The following PACRG variants were observed in gnomAD, a reference collection of about 807,000 sequenced individuals.
The protein encoded by PACRG is parkin coregulated, also known as parkin coregulated gene protein.
A neutral mutation model predicts 29.7 loss-of-function variants in PACRG; 29 were observed. The observed-to-expected ratio is 0.98, with a 90% confidence interval of 0.73 to 1.33. The LOEUF (loss-of-function observed/expected upper bound fraction) is 1.33. PACRG is among the 40% of genes most tolerant of loss of function. The pLI is 0.00. For synonymous variants in PACRG, 116 were observed against 118.7 expected (o/e 0.98, Z 0.15); for missense variants, 279 against 316.2 (o/e 0.88, Z 0.89).
Position 162,814,157 on chromosome 6 carries a change from C to T in PACRG, c.167C>T (p.Pro56Leu), listed in dbSNP as rs1213220950. 4 of 1,611,456 alleles carry T rather than the reference C, an allele frequency of 2.5e-6. No homozygotes were observed. Among genetic ancestry groups the T allele is most frequent in the African/African-American group, 2.7e-5 (2 of 74,720 alleles). Residue 56 changes from proline (P) to leucine (L), a missense_variant, in exon 2 of 5, where the codon CCT becomes CTT. Transcript: ENST00000366888. ...AMMKNSVVRGPPAAGAFKERP... is the reference protein window; with the variant it reads ...AMMKNSVVRGLPAAGAFKERP... ...TTTTTTCCAATTAAGGTGAGAGGCC[C>T]TCCAGCTGCAGGGGCATTTAAAGAA...
chr6:162,830,674 A>T (rs998943202), intron 2 of PACRG, among the ~76,000 whole-genome samples: 1 of 152,248 alleles, frequency 6.6e-6, no homozygotes, highest in African/African-American at 2.4e-5. Context: ...GGATTAAAGG[A>T]TGGTGATCTA....
chr6:162,820,480 G>T (rs1299640007), intron 2 of PACRG, among the ~76,000 whole-genome samples: 2 of 152,044 alleles, frequency 1.3e-5, no homozygotes, highest in African/African-American at 2.4e-5. Context: ...GCCCAACTGA[G>T]GATAGCTCAT....
At chr6:163,038,461 C>G (rs1421549877) in intron 2 of PACRG, among the ~76,000 whole-genome samples, 2 of 152,092 alleles carry the variant, frequency 1.3e-5, no homozygotes, top group African/African-American at 4.8e-5. Context: ...CAGTGAAGGG[C>G]CTTTGGTAGA....
chr6:163,190,101 T>C (rs1292785115), intron 4 of PACRG: 1 of 152,218 alleles, frequency 6.6e-6, no homozygotes, highest in Non-Finnish European at 1.5e-5. Context: ...ACATTGGTTT[T>C]CTCTTCCAAA....
intron 4 of PACRG, chr6:163,100,902 G>A: frequency 2.0e-6 from 2 of 984,632 alleles, no homozygotes; most frequent in South Asian, 9.4e-5. Context: ...ATATTCTCAT[G>A]TACATCTTGA....
At chr6:162,965,514 G>T (rs1373019953) in intron 2 of PACRG, among the ~76,000 whole-genome samples, 1 of 152,112 alleles carries the variant, frequency 6.6e-6, no homozygotes, top group Non-Finnish European at 1.5e-5. Context: ...TCTGTTTTGG[G>T]CCTCTTTTGT....
rs570137626 is a variant in PACRG, at chr6:163,296,235, G to A, written c.614-18592G>A. Among the ~76,000 whole-genome samples, 15 of 152,226 alleles carry A rather than the reference G, an allele frequency of 9.9e-5. 1 individual carries two copies. The South Asian group carries it at 2.9e-3, about 29-fold the overall frequency. ...GAGTCCATTGTGTTCCTTCAAGCAG[G>A]AAACAATCATAACAGGACTTAAAGG... On this transcript the variant is annotated intron_variant, in intron 4 of 4. Transcript: ENST00000366888.
At chr6:162,937,897 AT>A (rs59171580) in intron 2 of PACRG, among the ~76,000 whole-genome samples, 415 of 149,244 alleles carry the variant, frequency 2.8e-3, no homozygotes, top group African/African-American at 7.3e-3. Context: ...TCATTTTTTA[AT>A]TTTTTTTTTT....
chr6:163,093,245 T>C (rs114951088), intron 4 of PACRG, among the ~76,000 whole-genome samples: 3,139 of 152,340 alleles, frequency 0.021, 107 homozygotes, highest in African/African-American at 0.062. Flanking sequence ...AACTGCTGTC[T>C]AAGCTTTTGA....
At chr6:163,254,922 C>CT (rs1783049300) in intron 4 of PACRG, among the ~76,000 whole-genome samples, 1 of 152,242 alleles carries the variant, frequency 6.6e-6, no homozygotes, top group South Asian at 2.1e-4. Flanking sequence ...TCCTCAGTAT[C>CT]TTAACACCTT....
intron 2 of PACRG, among the ~76,000 whole-genome samples, chr6:163,019,709 T>G (rs577351051): frequency 3.0e-4 from 46 of 152,338 alleles, no homozygotes; most frequent in African/African-American, 1.1e-3. Flanking sequence ...CCTTATATTT[T>G]AAGGACCATG....
At chr6:162,856,142 G>A (rs1156902921) in intron 2 of PACRG, among the ~76,000 whole-genome samples, 1 of 151,952 alleles carries the variant, frequency 6.6e-6, no homozygotes, top group South Asian at 2.1e-4. Flanking sequence ...ATGCGGCCTC[G>A]AACTTCTAGG....
intron 4 of PACRG, among the ~76,000 whole-genome samples, chr6:163,233,171 C>A (rs1782111811): frequency 6.6e-6 from 1 of 152,248 alleles, no homozygotes. Flanking sequence ...ATGGGAATAA[C>A]CTGCTCACTA....
intron 2 of PACRG, among the ~76,000 whole-genome samples, chr6:162,940,117 C>T (rs571758448): frequency 1.3e-5 from 2 of 152,294 alleles, no homozygotes; most frequent in African/African-American, 4.8e-5. Flanking sequence ...AAAGAAACAT[C>T]AAGAGCAACT....
At chr6:163,192,527 C>G (rs1780260131) in intron 4 of PACRG, among the ~76,000 whole-genome samples, 1 of 152,060 alleles carries the variant, frequency 6.6e-6, no homozygotes, top group Non-Finnish European at 1.5e-5. Flanking sequence ...TGATTTTTTC[C>G]CCCAGACAAA....
At chr6:163,096,769 G>T (rs946552131) in intron 4 of PACRG, among the ~76,000 whole-genome samples, 1 of 152,160 alleles carries the variant, frequency 6.6e-6, no homozygotes, top group South Asian at 2.1e-4. Flanking sequence ...GCAGCACAGG[G>T]TTTATGGAGA....
intron 3 of PACRG, among the ~76,000 whole-genome samples, chr6:163,074,520 C>T (rs766626619): frequency 4.0e-5 from 6 of 151,818 alleles, no homozygotes; most frequent in South Asian, 2.1e-4. Flanking sequence ...TAGTTGAAAA[C>T]GACTTAATCA....
intron 1 of PACRG, among the ~76,000 whole-genome samples, chr6:162,751,653 T>G (rs1420128870): frequency 6.6e-6 from 1 of 152,164 alleles, no homozygotes; most frequent in Non-Finnish European, 1.5e-5. Flanking sequence ...ACTACAAATA[T>G]GCTCTTCATT....
At position 163,276,008 on chromosome 6, in the gene PACRG, C is replaced by CTTCTTTCTTTCTTTCTTTCTTTCTTTCT. The variant is rs376811032; in HGVS notation, c.614-38816_614-38789dup. The stretch of plus-strand genomic sequence containing the variant: ...TTCTCTTTCCTTCCTTCCTTCCTTC[C>CTTCTTTCTTTCTTTCTTTCTTTCTTTCT]TTCTTTCTTTCTTTCTTTCTTTCTT... On this transcript the variant is annotated intron_variant, in intron 4 of 4. Coordinates refer to ENST00000366888, the MANE Select transcript of PACRG (RefSeq NM_001080379.2). Among the ~76,000 whole-genome samples the CTTCTTTCTTTCTTTCTTTCTTTCTTTCT allele has an allele frequency of 1.7e-3, 238 of 140,676 alleles. 1 individual carries two copies. Among genetic ancestry groups the CTTCTTTCTTTCTTTCTTTCTTTCTTTCT allele is most frequent in the African/African-American group, 4.7e-3 (168 of 35,542 alleles). 92.3% of individuals were successfully genotyped at this position (140,676 alleles called of 152,430 possible). A position where few individuals can be genotyped will look rare whatever the true frequency, so the allele number is the denominator to read the frequency against.
Sources: allele counts gnomAD v4.1 joint callset (sites outside exome capture counted in the v4.1 genomes callset), GRCh38; gene constraint gnomAD v4.1.1; transcripts MANE v1.5; gene names NCBI Gene and HGNC (gene_info 2026-07-23, HGNC 2026-07-21).